Variants in PRKAG2 observed in about 807,000 individuals in gnomAD.
PRKAG2 encodes the protein protein kinase AMP-activated non-catalytic subunit gamma 2.
Under a neutral mutation model 69.6 loss-of-function variants are expected in PRKAG2, and 26 were observed. That is an observed-to-expected ratio of 0.37 (90% CI 0.27 to 0.52). The LOEUF (loss-of-function observed/expected upper bound fraction) is 0.52. Among genes scored for constraint, PRKAG2 ranks in the 20% least tolerant of loss-of-function variants. The pLI is 0.90. For missense variants in PRKAG2, 557 were observed against 740.0 expected (o/e 0.75, Z 2.87); for synonymous variants, 293 against 285.0 (o/e 1.03, Z -0.28).
At chr7:151,616,113 G>A (rs984251833) in intron 5 of PRKAG2, among the ~76,000 whole-genome samples, 5 of 152,224 alleles carry the variant, frequency 3.3e-5, no homozygotes, top group African/African-American at 1.2e-4. Context: ...TAACAGTGCT[G>A]TGGGTGGTGG....
chr7:151,572,727 C>A lies in PRKAG2; in HGVS notation c.1006-18G>T. The A allele has an allele frequency of 6.8e-7, 1 of 1,477,960 alleles. No individual in the cohort carries two copies. The highest frequency in any genetic ancestry group is 9.4e-7 in the Non-Finnish European group (1 of 1,068,752). The allele number at this position is 1,477,960 out of a possible 1,614,324, so 91.6% of individuals were successfully genotyped here. A position where few individuals can be genotyped will look rare whatever the true frequency, so the allele number is the denominator to read the frequency against. ...ATCTGTACCTGCAAATAAAAAAATT[C>A]TTATTTATAAATATACATATACAAC... is the stretch of plus-strand genomic sequence containing the variant. On this transcript the variant is annotated intron_variant, in intron 8 of 15. Transcript: ENST00000287878.
At chr7:151,584,850 C>T (rs1446640819) in intron 6 of PRKAG2, among the ~76,000 whole-genome samples, 1 of 152,168 alleles carries the variant, frequency 6.6e-6, no homozygotes, top group Non-Finnish European at 1.5e-5. Flanking sequence ...TGGGCTGTGA[C>T]TGCACTACCA....
rs142162763 is a variant in PRKAG2 at position 151,780,892 on chromosome 7, C to T, written c.466+260G>A. Among the ~76,000 whole-genome samples, 2 of 152,150 alleles carry T rather than the reference C, an allele frequency of 1.3e-5. No homozygotes were observed. Among genetic ancestry groups the T allele is most frequent in the Admixed American group, 6.5e-5 (1 of 15,278 alleles). On this transcript the variant is annotated intron_variant, in intron 3 of 15. Coordinates refer to ENST00000287878, the MANE Select transcript of PRKAG2 (RefSeq NM_016203.4). The surrounding 1 kb of genome is among the most constrained non-coding windows in gnomAD (Gnocchi z 4.2). ...TGTACTGTGAGTATCAGGATGTTTACAGTTAACCCAAGGACCTTGCTGGAC... is the reference window on the plus strand; with the variant it reads ...TGTACTGTGAGTATCAGGATGTTTATAGTTAACCCAAGGACCTTGCTGGAC...
Position 151,781,345 on chromosome 7 carries a change from T to A in PRKAG2, c.273A>T (p.Ala91=), listed in dbSNP as rs780367583. Residue 91 remains alanine, a synonymous_variant, in exon 3 of 16, where the codon GCA becomes GCT. Transcript: ENST00000287878. This position sits in a 1 kb window ranked among gnomAD's most constrained non-coding sequence, Gnocchi z 6.1. The part of the protein sequence containing the change: ...PQPRPSSPMS[A]PVRPKTSPGS... ...CGGGGCTGGTCTTGGGCCTCACAGG[T>A]GCAGACATGGGGCTGGAGGGCCGGG... 4 of 1,613,426 alleles carry A rather than the reference T, an allele frequency of 2.5e-6. No homozygotes were observed. The highest frequency in any genetic ancestry group is 3.4e-6 in the Non-Finnish European group (4 of 1,179,854).
At chr7:151,721,070 G>A (rs1275323222) in intron 3 of PRKAG2, among the ~76,000 whole-genome samples, 2 of 146,690 alleles carry the variant, frequency 1.4e-5, no homozygotes, top group Non-Finnish European at 3.0e-5. Context: ...GAAGGGGGCA[G>A]AGGGGATGGA....
intron 1 of PRKAG2, among the ~76,000 whole-genome samples, chr7:151,827,233 T>G (rs1320448558): frequency 1.3e-5 from 2 of 152,120 alleles, no homozygotes; most frequent in Admixed American, 6.5e-5. Flanking sequence ...TTATTTTCAT[T>G]TATTTATTCA....
At chr7:151,613,040 C>T (rs571503066) in intron 5 of PRKAG2, among the ~76,000 whole-genome samples, 2 of 152,324 alleles carry the variant, frequency 1.3e-5, no homozygotes, top group East Asian at 3.9e-4. Context: ...ATGTGTCCCA[C>T]ACTCAGCCTC....
chr7:151,681,004 A>G (rs2536092), intron 3 of PRKAG2, among the ~76,000 whole-genome samples: 146,658 of 152,342 alleles, frequency 0.96, 70,629 homozygotes, highest in East Asian at 1. Flanking sequence ...TTCATCTTTC[A>G]AGTAAACAGT....
chr7:151,741,590 G>A (rs1226226528), intron 3 of PRKAG2, among the ~76,000 whole-genome samples: 5 of 151,296 alleles, frequency 3.3e-5, no homozygotes, highest in African/African-American at 7.3e-5. Flanking sequence ...CAGGAGAATC[G>A]CTTGAACCAG....
In PRKAG2 at chr7:151,622,597, T is replaced by C. The variant is rs115236122; in HGVS notation, c.754+9472A>G. Among the ~76,000 whole-genome samples the C allele has an allele frequency of 3.7e-3, 559 of 152,292 alleles. 8 individuals are homozygous for C. Among genetic ancestry groups the C allele is most frequent in the African/African-American group, 0.012 (514 of 41,568 alleles). On this transcript the variant is annotated intron_variant, in intron 5 of 15. Transcript: ENST00000287878. The stretch of plus-strand genomic sequence containing the variant: ...CATCTAGACCAACCCTAGGTCAGAA[T>C]TGTTACTGCCTTTCTTGTGAGCTTG...
intron 3 of PRKAG2, among the ~76,000 whole-genome samples, chr7:151,700,252 G>A (rs1406859073): frequency 1.3e-5 from 2 of 152,176 alleles, no homozygotes; most frequent in African/African-American, 2.4e-5. Context: ...CTGGGTGCTG[G>A]GGACAGTGAA....
At chr7:151,598,671 T>C (rs1163123984) in intron 5 of PRKAG2, among the ~76,000 whole-genome samples, 4 of 152,040 alleles carry the variant, frequency 2.6e-5, no homozygotes, top group African/African-American at 4.8e-5. Flanking sequence ...TACTAACTCA[T>C]TGTTAGCAGA....
chr7:151,578,142 C>T (rs1330838639), intron 6 of PRKAG2, among the ~76,000 whole-genome samples: 6 of 151,662 alleles, frequency 4.0e-5, no homozygotes, highest in African/African-American at 1.2e-4. Context: ...GCCAGGAATT[C>T]GAGACCAGCC....
chr7:151,745,355 C>G (rs1378914274), intron 3 of PRKAG2, among the ~76,000 whole-genome samples: 1 of 152,204 alleles, frequency 6.6e-6, no homozygotes, highest in Non-Finnish European at 1.5e-5. Context: ...ATGGAAAGTT[C>G]TAAAGGTCAC....
rs908037837 is a variant in PRKAG2, at chr7:151,795,868, T to C, written c.115-9327A>G. Among the ~76,000 whole-genome samples the C allele has an allele frequency of 2.9e-3, 309 of 106,310 alleles. 6 individuals are homozygous for C. The highest frequency in any genetic ancestry group is 0.014 in the African/African-American group (297 of 21,202). The allele number at this position is 106,310 out of a possible 152,430, so 69.7% of individuals were successfully genotyped here. A position where few individuals can be genotyped will look rare whatever the true frequency, so the allele number is the denominator to read the frequency against. ...TCTCATATATATATATATATATATA[T>C]ATATATATATATATATATATATCAC... is the stretch of plus-strand genomic sequence containing the variant. On this transcript the variant is annotated intron_variant, in intron 1 of 15. Transcript: ENST00000287878.
At chr7:151,861,540 A>G (rs1002035194) in intron 1 of PRKAG2, among the ~76,000 whole-genome samples, 6 of 151,474 alleles carry the variant, frequency 4.0e-5, no homozygotes, top group African/African-American at 1.5e-4. Context: ...AAAAAAAAAA[A>G]AAAAAAAAGA....
intron 3 of PRKAG2, among the ~76,000 whole-genome samples, chr7:151,687,233 A>C (rs963372381): frequency 6.6e-6 from 1 of 152,206 alleles, no homozygotes; most frequent in African/African-American, 2.4e-5. Flanking sequence ...TGGAGGTCAG[A>C]GTTCTACATC....
chr7:151,558,683 T>A, intron 15 of PRKAG2: 1 of 984,638 alleles, frequency 1.0e-6, no homozygotes, highest in Non-Finnish European at 1.2e-6. Flanking sequence ...TTGTATACAC[T>A]GTATCATAAG....
intron 3 of PRKAG2, among the ~76,000 whole-genome samples, chr7:151,775,581 G>A (rs1224304164): frequency 6.6e-6 from 1 of 152,252 alleles, no homozygotes; most frequent in East Asian, 1.9e-4. Context: ...GGCTGGAAAT[G>A]TATCCCTTAA....
Sources: gnomAD v4.1 joint callset for allele counts (sites outside exome capture counted in the v4.1 genomes callset) on GRCh38, gnomAD v4.1.1 for gene constraint, Gnocchi (gnomAD v3.1) non-coding constraint, MANE v1.5 for transcripts, NCBI Gene and HGNC (gene_info 2026-07-23, HGNC 2026-07-21) for gene names.